The following SPAG16 variants were observed in gnomAD, a reference collection of about 807,000 sequenced individuals.
The protein encoded by SPAG16 is sperm associated antigen 16, also known as sperm-associated antigen 16 protein.
Under a neutral mutation model 80.4 loss-of-function variants are expected in SPAG16, and 86 were observed. The ratio of observed to expected loss-of-function variants is 1.07; its 90% CI spans 0.90 to 1.28. The LOEUF (loss-of-function observed/expected upper bound fraction) is 1.28, where lower values mean the gene tolerates loss of function less well. Ranked by LOEUF, SPAG16 falls within the 50% of genes most tolerant of loss-of-function variation. The pLI is 0.00. For missense variants in SPAG16, 870 were observed against 765.3 expected (o/e 1.14, Z -1.61); for synonymous variants, 294 against 265.9 (o/e 1.11, Z -1.03).
chr2:213,490,237 A>G, intron 10 of SPAG16, 147 bp downstream of exon 10: 1 of 711,446 alleles, frequency 1.4e-6, no homozygotes, highest in East Asian at 3.0e-5. Flanking sequence ...TGCTTATAGT[A>G]GCTGTAAGAA....
intron 9 of SPAG16, among the ~76,000 whole-genome samples, chr2:213,379,604 A>G (rs1306368551): frequency 6.6e-6 from 1 of 152,192 alleles, no homozygotes; most frequent in Non-Finnish European, 1.5e-5. Context: ...AGGCAAACCC[A>G]TATCCAGAGT....
At chr2:213,786,156 T>G (rs981465341) in intron 10 of SPAG16, among the ~76,000 whole-genome samples, 1 of 152,210 alleles carries the variant, frequency 6.6e-6, no homozygotes, top group Non-Finnish European at 1.5e-5. Context: ...AGAGGAAATA[T>G]ATGCTCCTCA....
At chr2:213,390,316 T>C (rs1487871276) in intron 9 of SPAG16, among the ~76,000 whole-genome samples, 1 of 152,188 alleles carries the variant, frequency 6.6e-6, no homozygotes, top group East Asian at 1.9e-4. Flanking sequence ...AGGATAATTG[T>C]TGCAGAAAGT....
At chr2:214,216,281 T>A (rs1559134917) in intron 15 of SPAG16, among the ~76,000 whole-genome samples, 1 of 152,060 alleles carries the variant, frequency 6.6e-6, no homozygotes, top group Admixed American at 6.6e-5. Context: ...GACATTTGGA[T>A]TATTCAAAAT....
At chr2:213,893,616 G>GA (rs1553656382) in intron 11 of SPAG16, among the ~76,000 whole-genome samples, 2 of 151,590 alleles carry the variant, frequency 1.3e-5, no homozygotes, top group Non-Finnish European at 2.9e-5. Flanking sequence ...GATTTTTCCT[G>GA]TTTTTTTTCT....
At chr2:214,090,087 C>T (rs892744414) in intron 13 of SPAG16, among the ~76,000 whole-genome samples, 1 of 151,370 alleles carries the variant, frequency 6.6e-6, no homozygotes, top group African/African-American at 2.4e-5. Context: ...TAAGCTTGTA[C>T]AAATAATAAA....
rs148259725 is a variant in SPAG16, at chr2:213,697,044, C to G, written c.1071-165441C>G. Among the ~76,000 whole-genome samples the G allele has an allele frequency of 1.5e-3, 231 of 152,182 alleles. 2 individuals carry two copies. The highest frequency in any genetic ancestry group is 5.1e-3 in the African/African-American group (211 of 41,524). On this transcript the variant is annotated intron_variant, in intron 10 of 15. Coordinates refer to ENST00000331683, the MANE Select transcript of SPAG16 (RefSeq NM_024532.5). ...ATTAGAAAGTGAGTCGCAGATGGAG[C>G]TAGAGCACAAATTGAGGGATAGAAC...
intron 10 of SPAG16, among the ~76,000 whole-genome samples, chr2:213,517,832 A>G (rs1412614930): frequency 1.3e-5 from 2 of 152,204 alleles, no homozygotes; most frequent in African/African-American, 4.8e-5. Flanking sequence ...TAAATGTAAG[A>G]CCTAAAACTA....
intron 1 of SPAG16, among the ~76,000 whole-genome samples, chr2:213,292,839 A>G (rs1051349773): frequency 1.3e-5 from 2 of 152,112 alleles, no homozygotes; most frequent in Non-Finnish European, 2.9e-5. Flanking sequence ...TTCCAGAGTG[A>G]GAAAAGAAAT....
At chr2:213,872,616 A>G (rs890251519) in intron 11 of SPAG16, among the ~76,000 whole-genome samples, 22 of 152,058 alleles carry the variant, frequency 1.4e-4, no homozygotes, top group African/African-American at 5.1e-4. Flanking sequence ...TCGAACCTCC[A>G]GTGCAATGTT....
At chr2:213,501,009 GA>G (rs780596386) in intron 10 of SPAG16, among the ~76,000 whole-genome samples, 33 of 152,140 alleles carry the variant, frequency 2.2e-4, no homozygotes, top group Non-Finnish European at 4.3e-4. Flanking sequence ...TCCCAGAGGG[GA>G]AAAAGTACCT....
chr2:213,843,946 A>C (rs2074486611), intron 10 of SPAG16, among the ~76,000 whole-genome samples: 1 of 130,784 alleles, frequency 7.6e-6, no homozygotes, highest in African/African-American at 2.6e-5. Flanking sequence ...TATAATATAA[A>C]ACTTATAAAA....
chr2:213,467,639 T>A (rs1433672044), intron 9 of SPAG16, among the ~76,000 whole-genome samples: 1 of 152,188 alleles, frequency 6.6e-6, no homozygotes, highest in Non-Finnish European at 1.5e-5. Flanking sequence ...CTCTTCAACT[T>A]TCAGAGTCAC....
intron 10 of SPAG16, among the ~76,000 whole-genome samples, chr2:213,730,427 G>A (rs986407086): frequency 6.6e-6 from 1 of 152,142 alleles, no homozygotes; most frequent in East Asian, 1.9e-4. Flanking sequence ...GGATTGTCTT[G>A]ACTTTTTTAT....
chr2:213,604,113 A>C (rs1345363820), intron 10 of SPAG16, among the ~76,000 whole-genome samples: 3 of 151,994 alleles, frequency 2.0e-5, no homozygotes, highest in African/African-American at 4.8e-5. Flanking sequence ...GCTGGTCTTG[A>C]ACTCCTGACC....
At chr2:213,797,408 T>A (rs1351562793) in intron 10 of SPAG16, among the ~76,000 whole-genome samples, 1 of 152,190 alleles carries the variant, frequency 6.6e-6, no homozygotes. Context: ...AAAATGTGTA[T>A]CATTTTTATC....
At chr2:213,321,677 A>G (rs552909878) in intron 5 of SPAG16, among the ~76,000 whole-genome samples, 11 of 152,284 alleles carry the variant, frequency 7.2e-5, no homozygotes, top group African/African-American at 2.4e-4. Flanking sequence ...TGTTGTCAAC[A>G]GTGTCAATTT....
intron 12 of SPAG16, among the ~76,000 whole-genome samples, chr2:213,995,188 A>G (rs945778545): frequency 6.6e-6 from 1 of 152,152 alleles, no homozygotes; most frequent in Non-Finnish European, 1.5e-5. Context: ...GAAGCCACTA[A>G]GTTTTAATGT....
intron 15 of SPAG16, among the ~76,000 whole-genome samples, chr2:214,161,950 T>C (rs2056457867): frequency 6.6e-6 from 1 of 152,146 alleles, no homozygotes; most frequent in South Asian, 2.1e-4. Context: ...ATATCAACCC[T>C]GCTGTTAGGT....
Sources: gnomAD v4.1 joint callset for allele counts (sites outside exome capture counted in the v4.1 genomes callset) on GRCh38, gnomAD v4.1.1 for gene constraint, MANE v1.5 for transcripts, NCBI Gene and HGNC (gene_info 2026-07-23, HGNC 2026-07-21) for gene names.